The following TSHZ3 variants were observed in gnomAD, a reference collection of about 807,000 sequenced individuals.
The protein encoded by TSHZ3 is teashirt homolog 3.
In TSHZ3, 10 loss-of-function variants were observed where a neutral mutation model predicts 64.5. That is an observed-to-expected ratio of 0.16 (90% CI 0.10 to 0.26). TSHZ3 has a LOEUF of 0.26. TSHZ3 is among the 10% of genes least tolerant of loss of function. TSHZ3 has a pLI of 1.00. For missense variants in TSHZ3, 1,242 were observed against 1,421.7 expected (o/e 0.87, Z 2.03); for synonymous variants, 608 against 593.1 (o/e 1.03, Z -0.36).
Position 31,277,834 on chromosome 19 carries a change from G to T in TSHZ3, c.1959C>A (p.Pro653=). The change falls in exon 2 of 2, where the codon CCC becomes CCA. Residue 653 remains proline (P), a synonymous_variant. Transcript: ENST00000240587. This position sits in a 1 kb window ranked among gnomAD's most constrained non-coding sequence, Gnocchi z 4.5. ...PSPCSSEVGE[P]IKMEASSDGG... ...CATCGCTGGATGCCTCCATCTTGAT[G>T]GGTTCCCCGACTTCGCTGCTACATG... 1 of 1,574,698 alleles carries T rather than the reference G, an allele frequency of 6.4e-7. No individual in the cohort carries two copies. Among genetic ancestry groups the T allele is most frequent in the Non-Finnish European group, 8.6e-7 (1 of 1,162,518 alleles).
chr19:31,331,733 G>A (rs1599653722), intron 1 of TSHZ3, among the ~76,000 whole-genome samples: 1 of 152,232 alleles, frequency 6.6e-6, no homozygotes, highest in Non-Finnish European at 1.5e-5. Context: ...ACCTACTGTG[G>A]TGTCAGAGCT....
At chr19:31,322,938 T>G (rs1464097981) in intron 1 of TSHZ3, among the ~76,000 whole-genome samples, 5 of 152,252 alleles carry the variant, frequency 3.3e-5, no homozygotes, top group Admixed American at 6.5e-5. Context: ...TGATGAAAAT[T>G]TGGAAAATAA....
At position 31,276,525 on chromosome 19, in the gene TSHZ3, T is replaced by C; in HGVS notation, c.*22A>G. 2 of 1,526,570 alleles carry C rather than the reference T, an allele frequency of 1.3e-6. No individual in the cohort carries two copies. The highest frequency in any genetic ancestry group is 1.8e-6 in the Non-Finnish European group (2 of 1,135,174). The allele number at this position is 1,526,570 out of a possible 1,614,324, so 94.6% of individuals were successfully genotyped here. On this transcript the variant is annotated 3_prime_UTR_variant, in exon 2 of 2. Coordinates refer to ENST00000240587, the MANE Select transcript of TSHZ3 (RefSeq NM_020856.4). The stretch of plus-strand genomic sequence containing the variant: ...CAGTTTCCCTCAAAGCAAACTGCAG[T>C]CCTTTCTATCAAAAGCAAATGCTAC...
At chr19:31,307,986 T>A (rs1013773582) in intron 1 of TSHZ3, among the ~76,000 whole-genome samples, 1 of 152,262 alleles carries the variant, frequency 6.6e-6, no homozygotes, top group African/African-American at 2.4e-5. Flanking sequence ...TGTCCTATCA[T>A]GTAGAAGAGA....
chr19:31,198,898 A>G (rs766222241), intron 5 of TSHZ3, among the ~76,000 whole-genome samples: 2 of 151,936 alleles, frequency 1.3e-5, no homozygotes, highest in Non-Finnish European at 2.9e-5. Context: ...AAATCCCAGA[A>G]GGTTATTTTG....
At chr19:31,221,715 G>A (rs1411284947) in intron 4 of TSHZ3, among the ~76,000 whole-genome samples, 1 of 152,148 alleles carries the variant, frequency 6.6e-6, no homozygotes, top group Non-Finnish European at 1.5e-5. Context: ...CCTGTCGCTG[G>A]GCTTCAGTGT....
intron 5 of TSHZ3, among the ~76,000 whole-genome samples, chr19:31,166,441 C>T (rs1224458698): frequency 2.0e-5 from 3 of 152,166 alleles, no homozygotes; most frequent in Non-Finnish European, 4.4e-5. Context: ...CAGCACTGTG[C>T]CTATCCTCTG....
intron 5 of TSHZ3, among the ~76,000 whole-genome samples, chr19:31,165,059 A>G (rs1568334300): frequency 6.6e-6 from 1 of 152,142 alleles, no homozygotes; most frequent in Non-Finnish European, 1.5e-5. Context: ...CTGTGCAGGG[A>G]CAGAGGCGGC....
At chr19:31,285,243 G>A (rs1352904451) in intron 1 of TSHZ3, among the ~76,000 whole-genome samples, 1 of 152,176 alleles carries the variant, frequency 6.6e-6, no homozygotes, top group African/African-American at 2.4e-5. Flanking sequence ...CATTTGGGAG[G>A]CCGAGGTGGA....
intron 5 of TSHZ3, among the ~76,000 whole-genome samples, chr19:31,163,288 G>A (rs981461098): frequency 1.3e-5 from 2 of 152,206 alleles, no homozygotes; most frequent in African/African-American, 2.4e-5. Context: ...GTTTGAGGTT[G>A]AGTTGGTAAC....
At chr19:31,281,722 T>C (rs1487608710) in intron 1 of TSHZ3, among the ~76,000 whole-genome samples, 1 of 152,142 alleles carries the variant, frequency 6.6e-6, no homozygotes, top group African/African-American at 2.4e-5. Flanking sequence ...TGTGAATGCA[T>C]GTGTTGGAAA....
chr19:31,201,714 C>T (rs756128901), intron 5 of TSHZ3, among the ~76,000 whole-genome samples: 7 of 152,090 alleles, frequency 4.6e-5, no homozygotes, highest in Admixed American at 1.3e-4. Flanking sequence ...AGCGGCTTCC[C>T]TCTTCCTTCC....
At chr19:31,208,741 C>T (rs1023372273) in intron 4 of TSHZ3, among the ~76,000 whole-genome samples, 3 of 152,184 alleles carry the variant, frequency 2.0e-5, no homozygotes, top group Admixed American at 1.3e-4. Context: ...TTTCCCAATG[C>T]TGATTCCTGA....
Position 31,349,429 on chromosome 19 carries a change from GGAA to G in TSHZ3, c.-213_-211del, listed in dbSNP as rs1599666338. On this transcript the variant is annotated 5_prime_UTR_variant, in exon 1 of 2. Coordinates refer to ENST00000240587, the MANE Select transcript of TSHZ3 (RefSeq NM_020856.4). The stretch of plus-strand genomic sequence containing the variant: ...CGCCGCGAACCCCGAACGTGCGGAG[GGAA>G]GAAGGAGGGCGGGCGAGGGAGGCTC... The G allele has an allele frequency of 4.9e-6, 2 of 408,838 alleles. No individual in the cohort carries two copies. Among genetic ancestry groups the G allele is most frequent in the Non-Finnish European group, 8.5e-6 (2 of 236,324 alleles). The allele number at this position is 408,838 out of a possible 1,614,324, so 25.3% of individuals were successfully genotyped here.
At chr19:31,235,154 A>G (rs1374362629) in intron 3 of TSHZ3, among the ~76,000 whole-genome samples, 1 of 152,254 alleles carries the variant, frequency 6.6e-6, no homozygotes, top group Non-Finnish European at 1.5e-5. Flanking sequence ...CAAACTAATT[A>G]ACATACCCTT....
intron 3 of TSHZ3, among the ~76,000 whole-genome samples, chr19:31,240,272 C>A (rs142967642): frequency 6.6e-6 from 1 of 151,940 alleles, no homozygotes; most frequent in Non-Finnish European, 1.5e-5. Flanking sequence ...GTAGTTATAT[C>A]TATCAATATT....
chr19:31,334,810 T>C (rs1406132113), intron 1 of TSHZ3, among the ~76,000 whole-genome samples: 1 of 152,204 alleles, frequency 6.6e-6, no homozygotes, highest in African/African-American at 2.4e-5. Context: ...CCTATGTTTA[T>C]GCCTGGCTCC....
At chr19:31,324,711 C>T (rs1356457095) in intron 1 of TSHZ3, among the ~76,000 whole-genome samples, 2 of 152,234 alleles carry the variant, frequency 1.3e-5, no homozygotes, top group Non-Finnish European at 2.9e-5. Context: ...AAACAAGGGA[C>T]AACCCCACTT....
rs772491128 is a variant in TSHZ3, at chr19:31,278,893, G to A, written c.900C>T (p.Tyr300=). ...LSVHMIKTKH[Y]QKVPLKEPVT... is the part of the protein sequence containing the mutation. The stretch of plus-strand genomic sequence containing the variant: ...CGGGTTCCTTCAGAGGCACTTTTTG[G>A]TAGTGTTTTGTTTTGATCATATGGA... The change falls in exon 2 of 2, where the codon TAC becomes TAT. Residue 300 remains tyrosine, a synonymous_variant. Transcript: ENST00000240587. This position sits in a 1 kb window ranked among gnomAD's most constrained non-coding sequence, Gnocchi z 4.7. 5.5e-5 allele frequency: 89 copies of A among 1,613,918 alleles called. No individual in the cohort carries two copies. The highest frequency in any genetic ancestry group is 1.6e-4 in the Middle Eastern group (1 of 6,084).
Sources: allele counts gnomAD v4.1 joint callset (sites outside exome capture counted in the v4.1 genomes callset), GRCh38; gene constraint gnomAD v4.1.1; non-coding constraint Gnocchi (gnomAD v3.1); transcripts MANE v1.5; gene names NCBI Gene and HGNC (gene_info 2026-07-23, HGNC 2026-07-21).